LIMCH1: variants seen among roughly 807,000 people sequenced by gnomAD.
LIMCH1 encodes the protein LIM and calponin homology domains 1, also known as LIM and calponin homology domains-containing protein 1.
A neutral mutation model predicts 176.5 loss-of-function variants in LIMCH1; 113 were observed. The ratio of observed to expected loss-of-function variants is 0.64; its 90% CI spans 0.55 to 0.75. LIMCH1 has a LOEUF of 0.75. Among genes scored for constraint, LIMCH1 ranks in the 30% least tolerant of loss-of-function variants. The probability of loss-of-function intolerance (pLI) is 0.00; values close to 1 mark genes in which losing one functional copy is unlikely to be tolerated. For synonymous variants in LIMCH1, 619 were observed against 645.9 expected (o/e 0.96, Z 0.63); for missense variants, 1,674 against 1,814.9 (o/e 0.92, Z 1.41).
Position 41,694,357 on chromosome 4 carries a change from G to A in LIMCH1, c.4378+1973G>A, listed in dbSNP as rs111319351. Among the ~76,000 whole-genome samples, 1,383 of 152,268 alleles carry A rather than the reference G, an allele frequency of 9.1e-3. 20 individuals are homozygous for A. The highest frequency in any genetic ancestry group is 0.032 in the African/African-American group (1,321 of 41,550). On this transcript the variant is annotated intron_variant, in intron 31 of 31. Coordinates refer to ENST00000503057, the MANE Select transcript of LIMCH1 (RefSeq NM_001330672.2). ...ACCTTCCAATAATTTCTTGGGGTAG[G>A]GGCAGAATATATGTTTGTACATGTG...
intron 1 of LIMCH1, among the ~76,000 whole-genome samples, chr4:41,460,262 T>A (rs2154152377): frequency 6.6e-6 from 1 of 152,084 alleles, no homozygotes; most frequent in African/African-American, 2.4e-5. Context: ...CTAGCTGTAT[T>A]ACAAATACTC....
At chr4:41,557,548 G>C (rs571863836) in intron 1 of LIMCH1, among the ~76,000 whole-genome samples, 20 of 145,000 alleles carry the variant, frequency 1.4e-4, no homozygotes, top group Admixed American at 3.6e-4. Flanking sequence ...TATTGCCTCT[G>C]TGTGTGTGTG....
At chr4:41,525,352 A>G (rs1246368770) in intron 3 of LIMCH1, among the ~76,000 whole-genome samples, 1 of 152,242 alleles carries the variant, frequency 6.6e-6, no homozygotes, top group African/African-American at 2.4e-5. Context: ...GAAAGCAATG[A>G]GAAGAATGTC....
At chr4:41,481,055 T>C (rs1347378420) in intron 1 of LIMCH1, among the ~76,000 whole-genome samples, 1 of 152,048 alleles carries the variant, frequency 6.6e-6, no homozygotes, top group African/African-American at 2.4e-5. Context: ...TCAGTCTGTG[T>C]CTATAAACAG....
chr4:41,582,124 A>G (rs546274457), intron 1 of LIMCH1, among the ~76,000 whole-genome samples: 1 of 152,366 alleles, frequency 6.6e-6, no homozygotes, highest in South Asian at 2.1e-4. Flanking sequence ...TAAAATGTGT[A>G]GTGTGCTAGC....
chr4:41,670,515 C>T (rs1195609567), intron 21 of LIMCH1, among the ~76,000 whole-genome samples: 1 of 152,176 alleles, frequency 6.6e-6, no homozygotes, highest in African/African-American at 2.4e-5. Flanking sequence ...ATAGCATAAA[C>T]TGTCCTGGTT....
In LIMCH1 at chr4:41,547,863, G is replaced by GTGTATATATATATA. The variant is rs774873739; in HGVS notation, c.-241+9514_-241+9515insGTATATATATATAT. Among the ~76,000 whole-genome samples, 258 of 93,168 alleles carry GTGTATATATATATA rather than the reference G, an allele frequency of 2.8e-3. 1 individual carries two copies. Among genetic ancestry groups the GTGTATATATATATA allele is most frequent in the African/African-American group, 9.9e-3 (226 of 22,898 alleles). The allele number at this position is 93,168 out of a possible 152,430, so 61.1% of individuals were successfully genotyped here. A position where few individuals can be genotyped will look rare whatever the true frequency, so the allele number is the denominator to read the frequency against. On this transcript the variant is annotated intron_variant, in intron 1 of 31. Coordinates refer to ENST00000503057, the MANE Select transcript of LIMCH1 (RefSeq NM_001330672.2). ...TTTATGATATATAATTTGTGTGTGT[G>GTGTATATATATATA]TATATATATATATATATATATATAT...
At chr4:41,454,939 CATGTGTGTGTGTGTGTGTGTGT>C (rs1358380273) in intron 1 of LIMCH1, among the ~76,000 whole-genome samples, 6 of 130,466 alleles carry the variant, frequency 4.6e-5, no homozygotes, top group African/African-American at 2.0e-4. Flanking sequence ...TGTATGCGTA[CATGTGTGTGTGTGTGTGTGTGT>C]GTGTGTGTGT....
chr4:41,558,300 T>C (rs1020894265), intron 1 of LIMCH1, among the ~76,000 whole-genome samples: 3 of 152,078 alleles, frequency 2.0e-5, no homozygotes, highest in Non-Finnish European at 1.5e-5. Flanking sequence ...AGGAATGAGA[T>C]GCCTGCCTTA....
intron 12 of LIMCH1, 78 bp downstream of exon 12, chr4:41,633,163 C>CTTAAGCTGTTAAAG (rs2152876276): frequency 2.0e-6 from 2 of 1,019,764 alleles, no homozygotes; most frequent in South Asian, 2.9e-5. Context: ...AAAAAAACAG[C>CTTAAGCTGTTAAAG]TTAAAGTCAC....
intron 4 of LIMCH1, chr4:41,613,079 A>G: frequency 2.6e-6 from 4 of 1,552,230 alleles, no homozygotes; most frequent in Non-Finnish European, 3.5e-6. Context: ...GCAGTTATGG[A>G]TTCCGAAAGA....
At chr4:41,461,928 T>C (rs190295104) in intron 1 of LIMCH1, among the ~76,000 whole-genome samples, 1 of 152,362 alleles carries the variant, frequency 6.6e-6, no homozygotes, top group Admixed American at 6.5e-5. Context: ...GCCTCACCCA[T>C]GATTGATTGT....
chr4:41,689,359 C>G (rs533141123), intron 29 of LIMCH1, among the ~76,000 whole-genome samples, 168 bp from the exon 30 acceptor site: 17 of 152,164 alleles, frequency 1.1e-4, no homozygotes, highest in Non-Finnish European at 1.6e-4. Context: ...CCATTTATAT[C>G]TAATGTTTAA....
chr4:41,504,379 T>A (rs2073865831), intron 2 of LIMCH1, among the ~76,000 whole-genome samples: 1 of 152,180 alleles, frequency 6.6e-6, no homozygotes, highest in Non-Finnish European at 1.5e-5. Flanking sequence ...ACATCCTAGG[T>A]AGGTTTTGAA....
At chr4:41,635,943 A>C (rs2093566966) in intron 13 of LIMCH1, among the ~76,000 whole-genome samples, 1 of 152,102 alleles carries the variant, frequency 6.6e-6, no homozygotes, top group Admixed American at 6.5e-5. Flanking sequence ...TTGAGACAGG[A>C]TCTCACTCCA....
chr4:41,516,033 T>C (rs2152382675), intron 2 of LIMCH1, among the ~76,000 whole-genome samples: 1 of 152,372 alleles, frequency 6.6e-6, no homozygotes, highest in South Asian at 2.1e-4. Context: ...TATCACTCCC[T>C]GTGTCAGAGT....
intron 1 of LIMCH1, among the ~76,000 whole-genome samples, chr4:41,385,445 T>A (rs1183291420): frequency 1.8e-4 from 27 of 152,190 alleles, no homozygotes; most frequent in Admixed American, 1.8e-3. Context: ...TTTCCTTAAA[T>A]TTCTGTGGCA....
At chr4:41,616,924 G>C (rs1159435693) in intron 5 of LIMCH1, among the ~76,000 whole-genome samples, 1 of 152,102 alleles carries the variant, frequency 6.6e-6, no homozygotes, top group Non-Finnish European at 1.5e-5. Flanking sequence ...TTTCAACTGA[G>C]CTACTCTGTC....
intron 10 of LIMCH1, among the ~76,000 whole-genome samples, chr4:41,631,920 A>ACTT (rs2093348759): frequency 6.6e-6 from 1 of 152,248 alleles, no homozygotes; most frequent in Non-Finnish European, 1.5e-5. Flanking sequence ...CTAAGTAGAC[A>ACTT]TATTAAAAAA....
Sources: allele counts gnomAD v4.1 joint callset (sites outside exome capture counted in the v4.1 genomes callset), GRCh38; gene constraint gnomAD v4.1.1; transcripts MANE v1.5; gene names NCBI Gene and HGNC (gene_info 2026-07-23, HGNC 2026-07-21).